The following SMOC2 variants were observed in gnomAD, a reference collection of about 807,000 sequenced individuals.
The protein encoded by SMOC2 is SPARC related modular calcium binding 2, also known as SPARC-related modular calcium-binding protein 2.
A neutral mutation model predicts 61.4 loss-of-function variants in SMOC2; 39 were observed. The observed-to-expected ratio is 0.64, with a 90% CI of 0.49 to 0.83. The LOEUF is 0.83. Ranked by LOEUF, SMOC2 falls within the 40% of genes least tolerant of loss-of-function variation. The pLI, the probability that SMOC2 is intolerant of heterozygous loss-of-function variation, is 0.00. For synonymous variants in SMOC2, 247 were observed against 239.9 expected, an observed-to-expected ratio of 1.03 and a Z score of -0.27; for missense variants, 556 against 592.9, an observed-to-expected ratio of 0.94 and a Z score of 0.65.
At chr6:168,649,175 G>A (rs1372116742) in intron 9 of SMOC2, among the ~76,000 whole-genome samples, 1 of 152,210 alleles carries the variant, frequency 6.6e-6, no homozygotes, top group African/African-American at 2.4e-5. Flanking sequence ...TTTCTGCCTG[G>A]GCTCTGCAGC....
chr6:168,631,950 G>A (rs1028420615), intron 9 of SMOC2, among the ~76,000 whole-genome samples: 3 of 152,158 alleles, frequency 2.0e-5, no homozygotes, highest in Non-Finnish European at 4.4e-5. Context: ...AGGAGGACAG[G>A]GCTGCTCAAC....
chr6:168,466,894 A>G (rs1462589355), intron 1 of SMOC2, among the ~76,000 whole-genome samples: 1 of 152,220 alleles, frequency 6.6e-6, no homozygotes, highest in Non-Finnish European at 1.5e-5. Context: ...CGCTTCTCCA[A>G]CATTCCTTTT....
chr6:168,514,778 T>C (rs1405378636), intron 2 of SMOC2, among the ~76,000 whole-genome samples: 5 of 152,200 alleles, frequency 3.3e-5, no homozygotes, highest in Non-Finnish European at 7.3e-5. Flanking sequence ...CTTAGATAAC[T>C]CCAGTCGGAT....
intron 4 of SMOC2, among the ~76,000 whole-genome samples, chr6:168,537,816 G>C (rs1017885785): frequency 6.6e-6 from 1 of 150,544 alleles, no homozygotes; most frequent in African/African-American, 2.5e-5. Context: ...ATGCAGTTCT[G>C]TCAGCACGAA....
intron 7 of SMOC2, among the ~76,000 whole-genome samples, chr6:168,583,024 C>T (rs956240224): frequency 6.6e-6 from 1 of 152,170 alleles, no homozygotes; most frequent in Non-Finnish European, 1.5e-5. Flanking sequence ...GCTGCCCAGT[C>T]GCAGCTGAAG....
chr6:168,457,410 C>T (rs1392690086), intron 1 of SMOC2, among the ~76,000 whole-genome samples: 3 of 151,240 alleles, frequency 2.0e-5, no homozygotes, highest in Non-Finnish European at 4.4e-5. Flanking sequence ...ATGGACTCAG[C>T]GACAAACGGC....
Position 168,544,316 on chromosome 6 carries a change from CGTT to C in SMOC2, c.511+648_511+650del, listed in dbSNP as rs1261178655. On this transcript the variant is annotated intron_variant, in intron 5 of 12. Transcript: ENST00000356284. The surrounding 1 kb of genome is among the most constrained non-coding windows in gnomAD (Gnocchi z 4.1). ...TCTTACATCAGCCTTTAAAGTCAGA[CGTT>C]GTTTTCAAGATGAGAAGAAATACTT... Among the ~76,000 whole-genome samples the C allele has an allele frequency of 4.6e-5, 7 of 152,120 alleles. No individual in the cohort carries two copies. The highest frequency in any genetic ancestry group is 8.8e-5 in the Non-Finnish European group (6 of 68,028).
intron 9 of SMOC2, among the ~76,000 whole-genome samples, chr6:168,615,466 C>T (rs1455902330): frequency 9.4e-6 from 1 of 106,648 alleles, no homozygotes; most frequent in African/African-American, 3.7e-5. Flanking sequence ...AGGGCCTCTT[C>T]ACACCTACAG....
At chr6:168,473,856 G>A (rs1562546152) in intron 1 of SMOC2, among the ~76,000 whole-genome samples, 1 of 152,100 alleles carries the variant, frequency 6.6e-6, no homozygotes, top group Non-Finnish European at 1.5e-5. Context: ...AGGAAGGAGG[G>A]CAGGGGGCTG....
intron 7 of SMOC2, among the ~76,000 whole-genome samples, chr6:168,558,511 G>A (rs953752716): frequency 6.6e-6 from 1 of 152,052 alleles, no homozygotes; most frequent in Admixed American, 6.5e-5. Context: ...CTGGTTCTCG[G>A]CCCCCCCTGT....
At chr6:168,664,299 G>A (rs1026633512) in intron 12 of SMOC2, 188 bp downstream of exon 12, 4 of 615,430 alleles carry the variant, frequency 6.5e-6, no homozygotes, top group Non-Finnish European at 1.2e-5. Flanking sequence ...AATTCTATCC[G>A]AAATCACCAA....
chr6:168,527,637 C>T lies in SMOC2; in HGVS notation c.373C>T (p.His125Tyr), dbSNP rs771923108. 19 of 1,550,816 alleles carry T rather than the reference C, an allele frequency of 1.2e-5. No homozygotes were observed. Among genetic ancestry groups the T allele is most frequent in the Non-Finnish European group, 1.7e-5 (19 of 1,146,982 alleles). The change falls in exon 4 of 13, where the codon CAC (histidine) becomes TAC (tyrosine). Residue 125 changes from histidine (H) to tyrosine (Y), a missense_variant. Coordinates refer to ENST00000356284, the MANE Select transcript of SMOC2 (RefSeq NM_001166412.2). ...CTGTGCTCTCTCGCAGGTCCAGTGT[C>T]ACAGCTACACGGGATACTGCTGGTG... ...DDGTYSQVQC[H>Y]SYTGYCWCVT...
intron 5 of SMOC2, among the ~76,000 whole-genome samples, chr6:168,545,750 C>G (rs1783981454): frequency 6.6e-6 from 1 of 152,240 alleles, no homozygotes; most frequent in Non-Finnish European, 1.5e-5. Flanking sequence ...GGGGAATGGG[C>G]TGGTGGTCCC....
intron 1 of SMOC2, among the ~76,000 whole-genome samples, chr6:168,443,035 A>G (rs938731325): frequency 6.6e-6 from 1 of 152,248 alleles, no homozygotes; most frequent in African/African-American, 2.4e-5. Context: ...GACCCCCCAC[A>G]TACTCTTAAA....
intron 9 of SMOC2, among the ~76,000 whole-genome samples, chr6:168,650,272 G>T (rs955568887): frequency 6.6e-6 from 1 of 152,222 alleles, no homozygotes; most frequent in East Asian, 1.9e-4. Context: ...CAGGGTGGGG[G>T]TGGCGGTGAA....
At chr6:168,490,787 C>T (rs899094661) in intron 1 of SMOC2, among the ~76,000 whole-genome samples, 6 of 152,176 alleles carry the variant, frequency 3.9e-5, no homozygotes, top group Non-Finnish European at 2.9e-5. Context: ...TCTGACCACA[C>T]GCTTACTGTG....
chr6:168,538,828 T>TG (rs1253111486), intron 4 of SMOC2, among the ~76,000 whole-genome samples: 3 of 150,476 alleles, frequency 2.0e-5, no homozygotes, highest in Non-Finnish European at 4.4e-5. Context: ...TGCTGGAATC[T>TG]GGGGGAGTGG....
At chr6:168,467,923 A>G (rs1199784573) in intron 1 of SMOC2, among the ~76,000 whole-genome samples, 1 of 152,240 alleles carries the variant, frequency 6.6e-6, no homozygotes, top group Non-Finnish European at 1.5e-5. Flanking sequence ...AAGGATTTAC[A>G]ATATATGTAC....
chr6:168,543,968 G>A (rs757344366), intron 5 of SMOC2, among the ~76,000 whole-genome samples: 3 of 152,138 alleles, frequency 2.0e-5, no homozygotes, highest in Non-Finnish European at 2.9e-5. Context: ...GGAGAGGGCT[G>A]AGGCTCAGTA....
Sources: allele counts gnomAD v4.1 joint callset (sites outside exome capture counted in the v4.1 genomes callset), GRCh38; gene constraint gnomAD v4.1.1; non-coding constraint Gnocchi (gnomAD v3.1); transcripts MANE v1.5; gene names NCBI Gene and HGNC (gene_info 2026-07-23, HGNC 2026-07-21).